RANBP2: variants seen among roughly 807,000 people sequenced by gnomAD.
The protein encoded by RANBP2 is RAN binding protein 2, also known as E3 SUMO-protein ligase RanBP2.
Under a neutral mutation model 303.6 loss-of-function variants are expected in RANBP2, and 57 were observed. That is an observed-to-expected ratio of 0.19 (90% CI 0.15 to 0.23). RANBP2 has a LOEUF of 0.23. RANBP2 is among the 10% of genes least tolerant of loss of function. The probability of loss-of-function intolerance (pLI) is 1.00; values close to 1 mark genes in which losing one functional copy is unlikely to be tolerated. For missense variants in RANBP2, 3,138 were observed against 3,780.8 expected, an observed-to-expected ratio of 0.83 and a Z score of 4.46; for synonymous variants, 1,167 against 1,301.5, an observed-to-expected ratio of 0.90 and a Z score of 2.23.
chr2:109,614,297 CG>C, the RANBP2 span: 1 of 484,788 alleles, frequency 2.1e-6, no homozygotes, highest in Non-Finnish European at 3.1e-6. Context: ...GGGCGCGGGG[CG>C]GGGGTGCGGG....
chr2:109,388,385 G>C, the RANBP2 span, among the ~76,000 whole-genome samples: 1 of 151,258 alleles, frequency 6.6e-6, no homozygotes, highest in African/African-American at 2.5e-5. Context: ...ACCTGCCACA[G>C]ATTGCCTGGC....
chr2:108,886,964 TC>T, the RANBP2 span, among the ~76,000 whole-genome samples: 1 of 152,230 alleles, frequency 6.6e-6, no homozygotes, highest in East Asian at 1.9e-4. Flanking sequence ...ATAAATTCTT[TC>T]CCTGAGAGTT....
chr2:109,732,929 G>A, the RANBP2 span: 2 of 720,888 alleles, frequency 2.8e-6, no homozygotes, highest in Non-Finnish European at 5.0e-6. Context: ...CTGTGTAGGA[G>A]AGGAACTGTC....
the RANBP2 span, among the ~76,000 whole-genome samples, chr2:108,916,189 A>G: frequency 6.6e-6 from 1 of 152,216 alleles, no homozygotes; most frequent in Non-Finnish European, 1.5e-5. Context: ...GAGATTGAAA[A>G]GAAGCTGATC....
chr2:109,297,840 C>T, the RANBP2 span, among the ~76,000 whole-genome samples: 29 of 152,100 alleles, frequency 1.9e-4, no homozygotes, highest in South Asian at 2.1e-4. Context: ...ACAGTGCCCC[C>T]GACCTGGGCC....
chr2:109,581,740 T>G, the RANBP2 span, among the ~76,000 whole-genome samples: 6 of 152,264 alleles, frequency 3.9e-5, 1 homozygote, highest in African/African-American at 1.4e-4. Context: ...AGGCAAAAGA[T>G]GAAAGCATTC....
the RANBP2 span, among the ~76,000 whole-genome samples, chr2:109,056,177 G>A: frequency 1.3e-5 from 2 of 151,264 alleles, no homozygotes; most frequent in Non-Finnish European, 2.9e-5. Flanking sequence ...GGGAAGACAG[G>A]GTCTTGCTCT....
chr2:109,551,122 C>T, the RANBP2 span, among the ~76,000 whole-genome samples: 1 of 152,168 alleles, frequency 6.6e-6, no homozygotes, highest in African/African-American at 2.4e-5. Flanking sequence ...GAAGACAGAA[C>T]GTCAACGATA....
At chr2:108,838,570 A>G in the RANBP2 span, among the ~76,000 whole-genome samples, 1 of 152,142 alleles carries the variant, frequency 6.6e-6, no homozygotes, top group African/African-American at 2.4e-5. Flanking sequence ...ATATGTCTTT[A>G]TGGTCCTGAA....
At chr2:109,169,772 A>G in the RANBP2 span, among the ~76,000 whole-genome samples, 6 of 149,938 alleles carry the variant, frequency 4.0e-5, no homozygotes, top group South Asian at 4.2e-4. Context: ...ACACACACAC[A>G]TGACCCCCCA....
the RANBP2 span, among the ~76,000 whole-genome samples, chr2:109,627,811 G>A: frequency 6.6e-6 from 1 of 152,202 alleles, no homozygotes; most frequent in African/African-American, 2.4e-5. Context: ...TATCCATATT[G>A]TTGCTTATAG....
chr2:109,677,557 C>G, the RANBP2 span, among the ~76,000 whole-genome samples: 3 of 152,150 alleles, frequency 2.0e-5, no homozygotes, highest in African/African-American at 7.2e-5. Flanking sequence ...GCCAGAGGTA[C>G]TTTTAAAAGC....
the RANBP2 span, among the ~76,000 whole-genome samples, chr2:108,973,628 C>A: frequency 6.6e-6 from 1 of 152,326 alleles, no homozygotes; most frequent in Middle Eastern, 3.4e-3. Flanking sequence ...TCCGGAAGAA[C>A]AGAAGGAGAA....
chr2:108,831,624 T>C, the RANBP2 span, among the ~76,000 whole-genome samples: 4 of 152,298 alleles, frequency 2.6e-5, no homozygotes, highest in East Asian at 7.7e-4. Flanking sequence ...CAGAATCTCT[T>C]GCAGGACTTG....
In RANBP2 at chr2:108,763,704, C is replaced by T. The variant is rs1450447147; in HGVS notation, c.3165C>T (p.Pro1055=). The T allele has an allele frequency of 6.2e-7, 1 of 1,614,024 alleles. No individual in the cohort carries two copies. The highest frequency in any genetic ancestry group is 1.7e-5 in the Admixed American group (1 of 60,006). ...TFSSPQVVTQ[P]PPAAYSNSES... ...CCTCACCACAGGTTGTGACACAGCC[C>T]CCTCCTGCAGCTTACAGTAACAGTG... Residue 1055 remains proline (P), a synonymous_variant, in exon 20 of 29, where the codon CCC becomes CCT. Coordinates refer to ENST00000283195, the MANE Select transcript of RANBP2 (RefSeq NM_006267.5).
At chr2:109,453,005 G>A in the RANBP2 span, among the ~76,000 whole-genome samples, 2 of 150,206 alleles carry the variant, frequency 1.3e-5, no homozygotes, top group East Asian at 2.0e-4. Context: ...GCTGGTCCCC[G>A]GGAAACTGGT....
At chr2:109,553,265 T>C in the RANBP2 span, 1 of 1,605,358 alleles carries the variant, frequency 6.2e-7, no homozygotes, top group East Asian at 2.2e-5. Context: ...GTGATATAGG[T>C]CGGGTATGGC....
the RANBP2 span, chr2:109,437,024 C>G: frequency 6.2e-7 from 1 of 1,613,908 alleles, no homozygotes; most frequent in South Asian, 1.1e-5. Flanking sequence ...ACCAGGCCCG[C>G]CCTGCCCATC....
the RANBP2 span, among the ~76,000 whole-genome samples, chr2:109,238,037 C>A: frequency 6.6e-6 from 1 of 152,110 alleles, no homozygotes; most frequent in South Asian, 2.1e-4. Context: ...GAGGCCCCAT[C>A]TCTACAAAAT....
Sources: gnomAD v4.1 joint callset for allele counts (sites outside exome capture counted in the v4.1 genomes callset) on GRCh38, gnomAD v4.1.1 for gene constraint, MANE v1.5 for transcripts, NCBI Gene and HGNC (gene_info 2026-07-23, HGNC 2026-07-21) for gene names.